The following HIVEP3 variants were observed in gnomAD, a reference collection of about 807,000 sequenced individuals.
HIVEP3 encodes HIVEP zinc finger 3.
HIVEP3 carries 49 observed loss-of-function variants against 152.8 expected under a neutral mutation model. The ratio of observed to expected loss-of-function variants is 0.32; its 90% CI spans 0.26 to 0.41. The LOEUF (loss-of-function observed/expected upper bound fraction) is 0.41, where lower values mean the gene tolerates loss of function less well. Among genes scored for constraint, HIVEP3 ranks in the 10% least tolerant of loss-of-function variants. The pLI is 1.00. For missense variants in HIVEP3, 2,790 were observed against 3,103.3 expected, an observed-to-expected ratio of 0.90 and a Z score of 2.40; for synonymous variants, 1,269 against 1,289.0, an observed-to-expected ratio of 0.98 and a Z score of 0.33.
At chr1:41,779,872 G>C (rs148916776) in intron 1 of HIVEP3, among the ~76,000 whole-genome samples, 1 of 152,188 alleles carries the variant, frequency 6.6e-6, no homozygotes, top group Non-Finnish European at 1.5e-5. Context: ...AAGGGCACAG[G>C]CTTTGGGGTC....
rs560067063 is a variant in HIVEP3, at chr1:41,706,087, G to C, written c.-800-5092C>G. Among the ~76,000 whole-genome samples the C allele has an allele frequency of 3.3e-5, 5 of 152,308 alleles. No homozygotes were observed. The South Asian group carries it at 1.0e-3, about 32-fold the overall frequency. ...GGTTGACAGCCTGCAGGACAAATCA[G>C]GGTACATGTGCAAGTTTGTTACATG... On this transcript the variant is annotated intron_variant, in intron 1 of 8. Transcript: ENST00000372583.
At chr1:41,960,740 C>T (rs1645165233) in intron 1 of HIVEP3, among the ~76,000 whole-genome samples, 1 of 152,134 alleles carries the variant, frequency 6.6e-6, no homozygotes, top group African/African-American at 2.4e-5. Context: ...CTTTTGCACG[C>T]CCACAGTGTT....
chr1:41,725,669 C>A (rs1283194980), intron 1 of HIVEP3, among the ~76,000 whole-genome samples: 1 of 152,240 alleles, frequency 6.6e-6, no homozygotes, highest in Non-Finnish European at 1.5e-5. Flanking sequence ...CAACAGTCCT[C>A]TGTCCCTTCC....
intron 1 of HIVEP3, among the ~76,000 whole-genome samples, chr1:41,911,148 A>T (rs1644790163): frequency 6.6e-6 from 1 of 152,170 alleles, no homozygotes; most frequent in Non-Finnish European, 1.5e-5. Context: ...AACTCCTACA[A>T]ATAAATAAGA....
In HIVEP3 at chr1:41,986,534, G is replaced by A. The variant is rs528226500; in HGVS notation, n.119+49273C>T. Among the ~76,000 whole-genome samples, 18 of 148,382 alleles carry A rather than the reference G, an allele frequency of 1.2e-4. No individual in the cohort carries two copies. In the East Asian group the frequency reaches 1.6e-3, roughly 13 times the overall value. Reference sequence around the variant, plus strand: ...CGGCTCACTGCAAGCTCCGCTTCCCGAGTTCCCACCACTCTCCTGCCTCAG... The same window carrying A: ...CGGCTCACTGCAAGCTCCGCTTCCCAAGTTCCCACCACTCTCCTGCCTCAG... On this transcript the variant is annotated intron_variant and non_coding_transcript_variant, in intron 1 of 3. Transcript: ENST00000489103.
At chr1:41,983,090 C>T (rs556232115) in intron 1 of HIVEP3, among the ~76,000 whole-genome samples, 21 of 152,192 alleles carry the variant, frequency 1.4e-4, no homozygotes, top group South Asian at 2.1e-4. Context: ...CACACCCCTA[C>T]GAGAATCTAA....
chr1:41,777,362 G>A (rs1313109579), intron 1 of HIVEP3, among the ~76,000 whole-genome samples: 4 of 152,228 alleles, frequency 2.6e-5, no homozygotes, highest in Non-Finnish European at 4.4e-5. Context: ...CAGCCTGTCT[G>A]CAGGAACACT....
At position 41,680,190 on chromosome 1, in the gene HIVEP3, C is replaced by T. The variant is rs12563738; in HGVS notation, c.-721+20726G>A. On this transcript the variant is annotated intron_variant, in intron 2 of 8. Coordinates refer to ENST00000372583, the MANE Select transcript of HIVEP3 (RefSeq NM_024503.5). Reference sequence around the variant, plus strand: ...GACATAGTCATTTCTCTACAGGTCACGTTGGCAACCAGGCCTGACATTGGG... The same window carrying T: ...GACATAGTCATTTCTCTACAGGTCATGTTGGCAACCAGGCCTGACATTGGG... 7.6e-4 allele frequency among the ~76,000 whole-genome samples: 115 copies of T among 152,226 alleles called. No homozygotes were observed. In the East Asian group the frequency reaches 0.018, roughly 24 times the overall value.
intron 2 of HIVEP3, among the ~76,000 whole-genome samples, chr1:41,652,552 G>A (rs1645566918): frequency 6.6e-6 from 1 of 152,188 alleles, no homozygotes; most frequent in Admixed American, 6.5e-5. Flanking sequence ...TTAAAGAGCA[G>A]GCCAGGCAGT....
chr1:41,972,093 C>T (rs565848905), intron 1 of HIVEP3, among the ~76,000 whole-genome samples: 216 of 152,304 alleles, frequency 1.4e-3, no homozygotes, highest in African/African-American at 4.9e-3. Context: ...TTTATTATAG[C>T]AGCACAAACA....
chr1:41,699,329 C>T (rs537441421), intron 2 of HIVEP3, among the ~76,000 whole-genome samples: 50 of 152,326 alleles, frequency 3.3e-4, no homozygotes, highest in African/African-American at 1.0e-3. Flanking sequence ...CTCTCTTTGG[C>T]CCCAGAACCT....
chr1:41,858,465 C>T (rs988151623), intron 1 of HIVEP3, among the ~76,000 whole-genome samples: 2 of 152,202 alleles, frequency 1.3e-5, no homozygotes, highest in Non-Finnish European at 2.9e-5. Flanking sequence ...TTTCTTCCTG[C>T]CCCACAATGG....
At chr1:41,849,783 T>C (rs1355574490) in intron 1 of HIVEP3, among the ~76,000 whole-genome samples, 2 of 151,666 alleles carry the variant, frequency 1.3e-5, no homozygotes, top group African/African-American at 4.9e-5. Flanking sequence ...CTCTGCCTCC[T>C]GGGTTCAAGC....
chr1:41,703,192 G>A (rs916176639), intron 1 of HIVEP3, among the ~76,000 whole-genome samples: 1 of 152,208 alleles, frequency 6.6e-6, no homozygotes, highest in Non-Finnish European at 1.5e-5. Context: ...AACGGACCAA[G>A]GCTCTGCTCA....
At chr1:41,518,352 A>G in intron 7 of HIVEP3, 50 bp downstream of exon 7, 1 of 1,481,550 alleles carries the variant, frequency 6.7e-7, no homozygotes, top group Non-Finnish European at 9.4e-7. Flanking sequence ...GGAGGAGGAT[A>G]GGGAAAGCGG....
At chr1:41,521,244 C>T (rs1642752009) in intron 6 of HIVEP3, among the ~76,000 whole-genome samples, 1 of 152,234 alleles carries the variant, frequency 6.6e-6, no homozygotes, top group African/African-American at 2.4e-5. Context: ...CCCCTGTCCC[C>T]ATGTGAGTCA....
chr1:41,898,307 C>T (rs760306641), intron 1 of HIVEP3, among the ~76,000 whole-genome samples: 2 of 152,110 alleles, frequency 1.3e-5, no homozygotes, highest in Non-Finnish European at 2.9e-5. Context: ...AAGGGAGGGC[C>T]CTTGCTTCCT....
intron 1 of HIVEP3, among the ~76,000 whole-genome samples, chr1:41,859,142 G>A (rs948229725): frequency 2.6e-5 from 4 of 152,142 alleles, no homozygotes; most frequent in African/African-American, 9.7e-5. Context: ...GCACACAGTT[G>A]GCATCAACAA....
At chr1:41,888,006 A>T (rs188997638) in intron 1 of HIVEP3, among the ~76,000 whole-genome samples, 98 of 136,838 alleles carry the variant, frequency 7.2e-4, no homozygotes, top group Non-Finnish European at 1.5e-3. Flanking sequence ...TCACACCCCC[A>T]CCCCAGGCTC....
Sources: allele counts gnomAD v4.1 joint callset (sites outside exome capture counted in the v4.1 genomes callset), GRCh38; gene constraint gnomAD v4.1.1; transcripts MANE v1.5; gene names NCBI Gene and HGNC (gene_info 2026-07-23, HGNC 2026-07-21).